The following NRF1 variants were observed in gnomAD, a reference collection of about 807,000 sequenced individuals.
The protein encoded by NRF1 is alpha palindromic-binding protein.
NRF1 carries 5 observed loss-of-function variants against 58.5 expected under a neutral mutation model. The ratio of observed to expected loss-of-function variants is 0.09; its 90% CI spans 0.04 to 0.18. NRF1 has a LOEUF of 0.18. Among genes scored for constraint, NRF1 ranks in the 10% least tolerant of loss-of-function variants. The probability of loss-of-function intolerance (pLI) is 1.00; values close to 1 mark genes in which losing one functional copy is unlikely to be tolerated. For missense variants in NRF1, 288 were observed against 657.7 expected (o/e 0.44, Z 6.15); for synonymous variants, 224 against 246.7 (o/e 0.91, Z 0.86).
intron 1 of NRF1, among the ~76,000 whole-genome samples, chr7:129,622,224 G>A (rs898754338): frequency 2.0e-5 from 3 of 152,078 alleles, no homozygotes; most frequent in Non-Finnish European, 4.4e-5. Context: ...AAATGCATTA[G>A]CGTTTACGAG....
chr7:129,719,658 A>G (rs1008472027), intron 9 of NRF1, among the ~76,000 whole-genome samples: 1 of 151,810 alleles, frequency 6.6e-6, no homozygotes, highest in Admixed American at 6.6e-5. Flanking sequence ...CCACTCACGT[A>G]TATACTCATC....
chr7:129,739,100 A>G (rs1439582514), intron 10 of NRF1, among the ~76,000 whole-genome samples: 2 of 152,260 alleles, frequency 1.3e-5, no homozygotes, highest in African/African-American at 4.8e-5. Flanking sequence ...AAATAAAAAC[A>G]TGATACCAAA....
chr7:129,702,917 G>A (rs1278806694), intron 5 of NRF1, among the ~76,000 whole-genome samples: 1 of 152,190 alleles, frequency 6.6e-6, no homozygotes. Context: ...TAAATGCAGA[G>A]CAAAGATAGA....
intron 5 of NRF1, among the ~76,000 whole-genome samples, chr7:129,702,011 A>G (rs1467239385): frequency 6.6e-6 from 1 of 152,234 alleles, no homozygotes; most frequent in Non-Finnish European, 1.5e-5. Flanking sequence ...CTTTAATCAC[A>G]TAAAACTGCC....
chr7:129,638,913 C>CT (rs1562956426), intron 1 of NRF1, among the ~76,000 whole-genome samples: 1 of 151,978 alleles, frequency 6.6e-6, no homozygotes, highest in African/African-American at 2.4e-5. Flanking sequence ...ATATAATATG[C>CT]TTTTTTACTT....
intron 1 of NRF1, 28 bp from the exon 2 acceptor site, chr7:129,657,318 G>C (rs373420046): frequency 2.7e-6 from 4 of 1,493,980 alleles, no homozygotes; most frequent in African/African-American, 2.8e-5. Context: ...ACTGAATCCT[G>C]TTCTTTTTCT....
intron 5 of NRF1, among the ~76,000 whole-genome samples, chr7:129,702,991 A>G (rs1322673328): frequency 6.6e-6 from 1 of 152,218 alleles, no homozygotes; most frequent in Non-Finnish European, 1.5e-5. Flanking sequence ...ATAGCAAAGA[A>G]CTAACTGAAT....
chr7:129,714,431 A>G (rs1326398097), intron 8 of NRF1, among the ~76,000 whole-genome samples: 1 of 152,178 alleles, frequency 6.6e-6, no homozygotes, highest in Non-Finnish European at 1.5e-5. Flanking sequence ...AAACAGGAAG[A>G]CCATTCCCTA....
At chr7:129,711,671 C>A in intron 8 of NRF1, 95 bp downstream of exon 8, 4 of 919,946 alleles carry the variant, frequency 4.3e-6, no homozygotes, top group African/African-American at 1.7e-5. Context: ...TGCATGTCTG[C>A]GGCACTCTTT....
intron 5 of NRF1, among the ~76,000 whole-genome samples, chr7:129,702,543 A>G (rs1409018844): frequency 2.0e-5 from 3 of 152,216 alleles, no homozygotes; most frequent in Non-Finnish European, 4.4e-5. Flanking sequence ...GATCAGTACT[A>G]CAAATAATTC....
In NRF1 at chr7:129,754,970, G is replaced by A. The variant is rs370802680; in HGVS notation, c.1349-48G>A. On this transcript the variant is annotated intron_variant, in intron 10 of 10. Coordinates refer to ENST00000393232, the MANE Select transcript of NRF1 (RefSeq NM_005011.5). ...GGTGCCCCCGTCCAGCCAGCATCTG[G>A]GAACTTGAGCCTGAGCCCCACCAAC... 92 of 1,494,774 alleles carry A rather than the reference G, an allele frequency of 6.2e-5. 1 individual carries two copies. The African/African-American group carries it at 9.6e-4, about 16-fold the overall frequency. The allele number at this position is 1,494,774 out of a possible 1,614,324, so 92.6% of individuals were successfully genotyped here.
At chr7:129,681,520 A>G (rs77994963) in intron 4 of NRF1, among the ~76,000 whole-genome samples, 168 of 152,344 alleles carry the variant, frequency 1.1e-3, no homozygotes, top group African/African-American at 3.8e-3. Flanking sequence ...GTCAAGGCAA[A>G]AAAGTATTAA....
intron 1 of NRF1, among the ~76,000 whole-genome samples, chr7:129,645,394 A>G (rs932635523): frequency 3.3e-5 from 5 of 152,316 alleles, no homozygotes; most frequent in African/African-American, 1.2e-4. Context: ...GGCATGAGGT[A>G]GAATGGAGAG....
chr7:129,662,647 A>G (rs1801811836), intron 2 of NRF1, among the ~76,000 whole-genome samples: 1 of 152,196 alleles, frequency 6.6e-6, no homozygotes, highest in African/African-American at 2.4e-5. Context: ...GGGGTCTAGT[A>G]TAATGTTATC....
Position 129,722,544 on chromosome 7 carries a change from G to T in NRF1, c.1224-4697G>T, listed in dbSNP as rs191602915. 8.3e-4 allele frequency among the ~76,000 whole-genome samples: 127 copies of T among 152,250 alleles called. 3 individuals carry two copies. The East Asian group carries it at 0.021, about 25-fold the overall frequency. On this transcript the variant is annotated intron_variant, in intron 9 of 10. Transcript: ENST00000393232. ...GCCCCACGTAAAGACCTTAACTGGG[G>T]ACTGAATAATTAATCGTACTGATCT...
At chr7:129,620,791 A>G (rs1232781799) in intron 1 of NRF1, among the ~76,000 whole-genome samples, 2 of 152,252 alleles carry the variant, frequency 1.3e-5, no homozygotes, top group Admixed American at 6.5e-5. Flanking sequence ...TCTGTCAGAA[A>G]AAATTCATTT....
At chr7:129,625,600 G>A (rs1800894694) in intron 1 of NRF1, among the ~76,000 whole-genome samples, 1 of 151,508 alleles carries the variant, frequency 6.6e-6, no homozygotes, top group South Asian at 2.1e-4. Flanking sequence ...TCCTGGGCTC[G>A]GGCAGTCTTC....
chr7:129,717,164 T>C, intron 8 of NRF1, 55 bp from the exon 9 acceptor site: 1 of 1,527,564 alleles, frequency 6.5e-7, no homozygotes, highest in Non-Finnish European at 8.8e-7. Flanking sequence ...AAATTACTTG[T>C]AAAATTGTAC....
chr7:129,644,494 A>G (rs892454738), intron 1 of NRF1, among the ~76,000 whole-genome samples: 4 of 152,264 alleles, frequency 2.6e-5, no homozygotes, highest in African/African-American at 9.6e-5. Context: ...AAAACTTTTT[A>G]GAATGTAGAA....
Sources: allele counts gnomAD v4.1 joint callset (sites outside exome capture counted in the v4.1 genomes callset), GRCh38; gene constraint gnomAD v4.1.1; transcripts MANE v1.5; gene names NCBI Gene and HGNC (gene_info 2026-07-23, HGNC 2026-07-21).